The following OPHN1 variants were observed in gnomAD, a reference collection of about 807,000 sequenced individuals.
OPHN1 encodes the protein oligophrenin-1.
Under a neutral mutation model 60.7 loss-of-function variants are expected in OPHN1, and 11 were observed. The ratio of observed to expected loss-of-function variants is 0.18; its 90% CI spans 0.11 to 0.30. The LOEUF (loss-of-function observed/expected upper bound fraction) is 0.30, where lower values mean the gene tolerates loss of function less well. OPHN1 is among the 10% of genes least tolerant of loss of function. The pLI is 1.00. For missense variants in OPHN1, 449 were observed against 611.0 expected (o/e 0.73, Z 2.80); for synonymous variants, 226 against 222.6 (o/e 1.02, Z -0.14).
intron 2 of OPHN1, among the ~76,000 whole-genome samples, chrX:68,419,065 T>C (rs765579578): frequency 3.6e-5 from 4 of 110,591 alleles, no homozygotes; most frequent in Non-Finnish European, 7.6e-5. Flanking sequence ...TAGAGTGCAG[T>C]GGTGCGATCT....
intron 20 of OPHN1, among the ~76,000 whole-genome samples, chrX:68,068,531 A>T (rs1226866545): frequency 9.2e-6 from 1 of 108,361 alleles, no homozygotes; most frequent in Admixed American, 1.0e-4. Flanking sequence ...GCAATTCTTC[A>T]AAAGTTTTAA....
At chrX:68,114,634 G>A (rs938040826) in intron 16 of OPHN1, among the ~76,000 whole-genome samples, 7 of 110,169 alleles carry the variant, frequency 6.4e-5, no homozygotes, top group Admixed American at 5.8e-4. Context: ...GCATGGTGGT[G>A]CGTGCCTGTA....
chrX:68,404,132 A>G (rs2078728997), intron 2 of OPHN1, among the ~76,000 whole-genome samples: 1 of 109,455 alleles, frequency 9.1e-6, no homozygotes, highest in Admixed American at 9.9e-5. Context: ...TGGTGCAGCC[A>G]TTATGGAAAA....
At chrX:68,052,487 A>T (rs2076856104) in intron 23 of OPHN1, 53 bp downstream of exon 23, 1 of 1,029,667 alleles carries the variant, frequency 9.7e-7, no homozygotes, top group East Asian at 3.1e-5. Flanking sequence ...TATGCTAAGG[A>T]TGCAGTTATT....
chrX:68,144,519 G>A (rs1236809283), intron 15 of OPHN1, among the ~76,000 whole-genome samples: 1 of 111,497 alleles, frequency 9.0e-6, no homozygotes, highest in African/African-American at 3.3e-5. Flanking sequence ...AGACATTAAC[G>A]TTTATGAAAA....
At chrX:68,359,331 G>A (rs1423752251) in intron 2 of OPHN1, among the ~76,000 whole-genome samples, 1 of 111,492 alleles carries the variant, frequency 9.0e-6, no homozygotes, top group Non-Finnish European at 1.9e-5. Context: ...TCATACTCAT[G>A]GGTTTTACAG....
intron 5 of OPHN1, among the ~76,000 whole-genome samples, chrX:68,266,592 T>C (rs1308832630): frequency 7.2e-5 from 8 of 111,428 alleles, no homozygotes; most frequent in Non-Finnish European, 5.7e-5. Context: ...TTGTAAAGAC[T>C]ATCAATGCTA....
intron 2 of OPHN1, among the ~76,000 whole-genome samples, chrX:68,335,631 G>T (rs1385268944): frequency 8.9e-6 from 1 of 111,833 alleles, no homozygotes; most frequent in Non-Finnish European, 1.9e-5. Context: ...ATAGTCCTTG[G>T]TTTATTATCA....
At chrX:68,081,711 T>C (rs1201038330) in intron 19 of OPHN1, among the ~76,000 whole-genome samples, 2 of 111,916 alleles carry the variant, frequency 1.8e-5, no homozygotes, top group African/African-American at 6.5e-5. Context: ...CCTTTTTTGC[T>C]GGTGGAGGGT....
At chrX:68,391,894 C>T (rs888166131) in intron 2 of OPHN1, among the ~76,000 whole-genome samples, 1 of 111,354 alleles carries the variant, frequency 9.0e-6, no homozygotes, top group African/African-American at 3.3e-5. Context: ...CCCAGAGCCT[C>T]GACGAGGAAC....
At chrX:68,161,870 T>A (rs772998933) in intron 15 of OPHN1, among the ~76,000 whole-genome samples, 62 of 111,545 alleles carry the variant, frequency 5.6e-4, no homozygotes, top group African/African-American at 2.0e-3. Flanking sequence ...AATATTCATA[T>A]AACGGAATAC....
chrX:68,114,807 T>C (rs2077120610), intron 16 of OPHN1, among the ~76,000 whole-genome samples: 1 of 111,085 alleles, frequency 9.0e-6, no homozygotes, highest in Non-Finnish European at 1.9e-5. Context: ...TTTTGAAAAA[T>C]ATTAAAGAAA....
chrX:68,294,040 C>G (rs981795094), intron 3 of OPHN1, among the ~76,000 whole-genome samples: 23 of 111,576 alleles, frequency 2.1e-4, no homozygotes, highest in African/African-American at 7.5e-4. Context: ...ATTTAGTTAT[C>G]CACCTCCTTT....
Position 68,290,043 on chromosome X carries a change from CT to C in OPHN1, c.251-6927del, listed in dbSNP as rs1292754699. Among the ~76,000 whole-genome samples, 58 of 106,768 alleles carry C rather than the reference CT, an allele frequency of 5.4e-4. No individual in the cohort carries two copies. In the East Asian group the frequency reaches 7.6e-3, roughly 14 times the overall value. The allele number at this position is 106,768 out of a possible 115,157, so 92.7% of individuals were successfully genotyped here. On this transcript the variant is annotated intron_variant, in intron 3 of 24. Coordinates refer to ENST00000355520, the MANE Select transcript of OPHN1 (RefSeq NM_002547.3). ...AAAAAATACATCAAAATAATTGATT[CT>C]TTTTTTTTTAATTAAATCTAGCTCT...
chrX:68,325,200 G>A (rs2078254857), intron 2 of OPHN1, among the ~76,000 whole-genome samples: 1 of 110,121 alleles, frequency 9.1e-6, no homozygotes, highest in Non-Finnish European at 1.9e-5. Context: ...TTTTTTTAAT[G>A]GAACTTGATG....
intron 12 of OPHN1, among the ~76,000 whole-genome samples, chrX:68,196,042 G>A (rs1347011958): frequency 4.5e-5 from 5 of 112,043 alleles, no homozygotes; most frequent in African/African-American, 1.6e-4. Flanking sequence ...GCAGGTTTCT[G>A]GAAGGTGACA....
intron 15 of OPHN1, among the ~76,000 whole-genome samples, chrX:68,133,810 A>G (rs777521139): frequency 8.9e-6 from 1 of 111,807 alleles, no homozygotes; most frequent in South Asian, 3.8e-4. Context: ...TCAAGTTATT[A>G]TTTGTATAGT....
At chrX:68,171,508 G>C (rs12841621) in intron 15 of OPHN1, among the ~76,000 whole-genome samples, 14,285 of 110,775 alleles carry the variant, frequency 0.13, 747 homozygotes, top group African/African-American at 0.18. Flanking sequence ...GGCTGAGGCG[G>C]GCAGATCACT....
intron 5 of OPHN1, among the ~76,000 whole-genome samples, chrX:68,269,516 G>A (rs942958781): frequency 9.0e-6 from 1 of 111,589 alleles, no homozygotes; most frequent in Non-Finnish European, 1.9e-5. Context: ...AAATGGTGCT[G>A]GGAAAACTGG....
Sources: allele counts gnomAD v4.1 joint callset (sites outside exome capture counted in the v4.1 genomes callset), GRCh38; gene constraint gnomAD v4.1.1; transcripts MANE v1.5; gene names NCBI Gene and HGNC (gene_info 2026-07-23, HGNC 2026-07-21).